Variants in HIPK1 observed in about 807,000 individuals in gnomAD.
HIPK1 encodes homeodomain-interacting protein kinase 1.
HIPK1 carries 28 observed loss-of-function variants against 117.1 expected under a neutral mutation model. The observed-to-expected ratio is 0.24, with a 90% CI of 0.18 to 0.33. The LOEUF is 0.33. Ranked by LOEUF, HIPK1 falls within the 10% of genes least tolerant of loss-of-function variation. The probability of loss-of-function intolerance (pLI) is 1.00; values close to 1 mark genes in which losing one functional copy is unlikely to be tolerated. For missense variants in HIPK1, 1,122 were observed against 1,475.1 expected (o/e 0.76, Z 3.92); for synonymous variants, 605 against 562.5 (o/e 1.08, Z -1.07).
Position 113,940,428 on chromosome 1 carries a change from G to T in HIPK1, c.45G>T (p.Ser15=). 1.9e-6 allele frequency: 3 copies of T among 1,613,672 alleles called. No homozygotes were observed. The highest frequency in any genetic ancestry group is 1.7e-4 in the Middle Eastern group (1 of 6,058). ...LQVFSPPSVS[S]SAFCSAKKLK... ...TGTTTTCGCCCCCATCAGTGTCGTC[G>T]AGTGCCTTCTGCAGTGCGAAGAAAC... The change falls in exon 2 of 16, where the codon TCG becomes TCT. Residue 15 remains serine (S), a synonymous_variant. Transcript: ENST00000426820.
chr1:113,929,583 G>C (rs947188128), intron 1 of HIPK1, 51 bp downstream of exon 1: 1 of 1,247,192 alleles, frequency 8.0e-7, no homozygotes, highest in Non-Finnish European at 1.0e-6. Flanking sequence ...GGCGGGGCCG[G>C]CCGGGTTGAG....
At chr1:113,935,435 G>A (rs962050243) in intron 1 of HIPK1, among the ~76,000 whole-genome samples, 1 of 152,126 alleles carries the variant, frequency 6.6e-6, no homozygotes, top group African/African-American at 2.4e-5. Flanking sequence ...CCATTGATGG[G>A]CATTTAGGTT....
rs758881223 is a variant in HIPK1 at position 113,968,511 on chromosome 1, T to G, written c.2634T>G (p.Ser878=). 1.9e-6 allele frequency: 3 copies of G among 1,614,056 alleles called. No individual in the cohort carries two copies. Among genetic ancestry groups the G allele is most frequent in the Non-Finnish European group, 2.5e-6 (3 of 1,179,914 alleles). The part of the protein sequence containing the change: ...LVGSSPLRTT[S]SYNSLVPVQD... Reference sequence around the variant, plus strand: ...GGAGCAGTCCCCTCCGCACCACATCTTCTTATAATTCCTTGGTCCCTGTCC... The same window carrying G: ...GGAGCAGTCCCCTCCGCACCACATCGTCTTATAATTCCTTGGTCCCTGTCC... The change falls in exon 13 of 16, where the codon TCT becomes TCG. Residue 878 remains serine, a synonymous_variant. Transcript: ENST00000426820.
chr1:113,965,185 G>A (rs1672366829), intron 10 of HIPK1, among the ~76,000 whole-genome samples: 1 of 152,130 alleles, frequency 6.6e-6, no homozygotes, highest in Admixed American at 6.5e-5. Flanking sequence ...TGATGGCCTT[G>A]CAATTTGAAA....
intron 2 of HIPK1, among the ~76,000 whole-genome samples, chr1:113,951,819 C>A (rs1333484699): frequency 6.6e-6 from 1 of 151,744 alleles, no homozygotes. Flanking sequence ...AACTAGGATT[C>A]AGACCCTGAC....
At position 113,940,789 on chromosome 1, in the gene HIPK1, G is replaced by A. The variant is rs1190617270; in HGVS notation, c.406G>A (p.Val136Met). 1 of 1,614,094 alleles carries A rather than the reference G, an allele frequency of 6.2e-7. No individual in the cohort carries two copies. The part of the protein sequence containing the change: ...KSEEVDSNGS[V>M]QIIEEHPPLM... ...TGAGGAAGTTGACAGCAACGGTAGT[G>A]TGCAGATCATAGAAGAACATCCCCC... is the stretch of plus-strand genomic sequence containing the variant. The change falls in exon 2 of 16, where the codon GTG (valine) becomes ATG (methionine). Residue 136 changes from valine to methionine, a missense_variant. By Grantham distance (21) the Val-to-Met change is conservative. Transcript: ENST00000426820.
chr1:113,955,435 CT>C (rs1197276940), intron 4 of HIPK1, 127 bp from the exon 5 acceptor site: 1 of 639,932 alleles, frequency 1.6e-6, no homozygotes, highest in Non-Finnish European at 2.8e-6. Context: ...TTGTGAATTA[CT>C]TTCATGTTTG....
At chr1:113,934,148 T>C (rs911538228) in intron 1 of HIPK1, among the ~76,000 whole-genome samples, 1 of 152,218 alleles carries the variant, frequency 6.6e-6, no homozygotes, top group Admixed American at 6.5e-5. Flanking sequence ...TAGTACAGTT[T>C]TTAGGTCATT....
chr1:113,970,326 C>G, intron 14 of HIPK1, 129 bp downstream of exon 14: 2 of 935,194 alleles, frequency 2.1e-6, no homozygotes, highest in South Asian at 3.2e-5. Context: ...GACCTTAATT[C>G]AGAAATCAGT....
intron 15 of HIPK1, 103 bp downstream of exon 15, chr1:113,972,057 C>T (rs749617357): frequency 6.2e-7 from 1 of 1,612,430 alleles, no homozygotes; most frequent in South Asian, 1.1e-5. Flanking sequence ...AAATGAAGCC[C>T]CTTTTGTGTC....
chr1:113,966,868 C>T (rs1410771215), intron 11 of HIPK1, among the ~76,000 whole-genome samples: 1 of 148,114 alleles, frequency 6.8e-6, no homozygotes, highest in Non-Finnish European at 1.5e-5. Flanking sequence ...CATTAACCAT[C>T]CCTACCTCCC....
intron 1 of HIPK1, among the ~76,000 whole-genome samples, chr1:113,933,485 T>G (rs1009673733): frequency 4.6e-5 from 7 of 151,602 alleles, no homozygotes; most frequent in African/African-American, 1.7e-4. Context: ...AGGTTTTAAG[T>G]GGGGGATAGG....
intron 6 of HIPK1, 48 bp from the exon 7 acceptor site, chr1:113,957,076 T>A (rs528990111): frequency 2.8e-5 from 41 of 1,446,988 alleles, no homozygotes; most frequent in Non-Finnish European, 3.9e-5. Flanking sequence ...ATTTGCTGTC[T>A]GTTTAAATCT....
At chr1:113,967,567 C>T (rs558735878) in intron 11 of HIPK1, among the ~76,000 whole-genome samples, 199 bp from the exon 12 acceptor site, 4 of 152,012 alleles carry the variant, frequency 2.6e-5, no homozygotes, top group South Asian at 2.1e-4. Flanking sequence ...ATTTTTTGAT[C>T]GTATTATTAG....
In HIPK1 at chr1:113,958,177, C is replaced by G. The variant is rs781600360; in HGVS notation, c.1867C>G (p.Pro623Ala). Residue 623 changes from proline to alanine, a missense_variant, in exon 8 of 16, where the codon CCA (proline) becomes GCA (alanine). Physicochemically the swap from Pro to Ala is conservative, Grantham distance 27. Transcript: ENST00000426820. ...QSALYPSSAA[P>A]VPGVAQQGVS... Reference sequence around the variant, plus strand: ...AGCTTTGTACCCATCATCTGCTGCACCAGTTCCTGGAGTTGCCCAGCAGGG... The same window carrying G: ...AGCTTTGTACCCATCATCTGCTGCAGCAGTTCCTGGAGTTGCCCAGCAGGG... The G allele has an allele frequency of 1.2e-5, 20 of 1,614,062 alleles. No individual in the cohort carries two copies. The highest frequency in any genetic ancestry group is 1.5e-5 in the Non-Finnish European group (18 of 1,180,024).
chr1:113,940,342 T>C, intron 1 of HIPK1, 40 bp from the exon 2 acceptor site: 1 of 1,505,686 alleles, frequency 6.6e-7, no homozygotes, highest in Non-Finnish European at 8.9e-7. Context: ...CCTTGTATCT[T>C]TTATCCTTGT....
rs1455253242 is a variant in HIPK1 at position 113,973,412 on chromosome 1, A to G, written c.3533A>G (p.Gln1178Arg). ...GTGGCCCCTGCTCAGTACCAACACC[A>G]GTTTGCCACCCAATCCTACATTGGG... is the stretch of plus-strand genomic sequence containing the variant. ...ASVAPAQYQHQFATQSYIGSS... is the reference protein window; with the variant it reads ...ASVAPAQYQHRFATQSYIGSS... The change falls in exon 16 of 16, where the codon CAG becomes CGG. Residue 1178 changes from glutamine to arginine, a missense_variant. Gln to Arg is a conservative substitution (Grantham distance 43). Transcript: ENST00000426820. 2 of 1,613,970 alleles carry G rather than the reference A, an allele frequency of 1.2e-6. No homozygotes were observed. The highest frequency in any genetic ancestry group is 1.3e-5 in the African/African-American group (1 of 74,900).
intron 8 of HIPK1, among the ~76,000 whole-genome samples, chr1:113,961,818 C>T (rs1421463907): frequency 1.3e-5 from 2 of 151,750 alleles, no homozygotes; most frequent in Non-Finnish European, 1.5e-5. Context: ...GTGGCGCACT[C>T]CTGTAGTCGC....
At chr1:113,950,795 G>A (rs1023723981) in intron 2 of HIPK1, among the ~76,000 whole-genome samples, 7 of 152,190 alleles carry the variant, frequency 4.6e-5, no homozygotes, top group African/African-American at 1.2e-4. Flanking sequence ...GAGCCACTGC[G>A]CTGGCCAAGG....
Sources: gnomAD v4.1 joint callset for allele counts (sites outside exome capture counted in the v4.1 genomes callset) on GRCh38, gnomAD v4.1.1 for gene constraint, MANE v1.5 for transcripts, NCBI Gene and HGNC (gene_info 2026-07-23, HGNC 2026-07-21) for gene names.